Variants in CACNA1E observed in about 807,000 individuals in gnomAD.
The protein encoded by CACNA1E is voltage-dependent R-type calcium channel subunit alpha-1E.
A neutral mutation model predicts 259.2 loss-of-function variants in CACNA1E; 40 were observed. The ratio of observed to expected loss-of-function variants is 0.15; its 90% CI spans 0.12 to 0.20. CACNA1E has a LOEUF of 0.20. Ranked by LOEUF, CACNA1E falls within the 10% of genes least tolerant of loss-of-function variation. The probability of loss-of-function intolerance (pLI) is 1.00; values close to 1 mark genes in which losing one functional copy is unlikely to be tolerated. For synonymous variants in CACNA1E, 1,104 were observed against 1,138.5 expected, an observed-to-expected ratio of 0.97 and a Z score of 0.61; for missense variants, 1,874 against 3,040.1, an observed-to-expected ratio of 0.62 and a Z score of 9.02.
intron 2 of CACNA1E, among the ~76,000 whole-genome samples, chr1:181,441,821 A>G (rs560612509): frequency 6.6e-6 from 1 of 152,178 alleles, no homozygotes; most frequent in South Asian, 2.1e-4. Context: ...CTGATTCTAC[A>G]TAGCATAGTA....
intron 1 of CACNA1E, among the ~76,000 whole-genome samples, chr1:181,386,732 C>T (rs746128079): frequency 2.9e-4 from 44 of 152,166 alleles, no homozygotes; most frequent in Non-Finnish European, 5.3e-4. Flanking sequence ...TCAGTATTGT[C>T]TGCTCATCAT....
chr1:181,390,405 C>T (rs544798609), intron 1 of CACNA1E, among the ~76,000 whole-genome samples: 2 of 152,092 alleles, frequency 1.3e-5, no homozygotes, highest in East Asian at 3.9e-4. Context: ...GTTTTTGTTG[C>T]TTGGTCATGA....
At position 181,483,835 on chromosome 1, in the gene CACNA1E, C is replaced by G; in HGVS notation, c.91C>G (p.Pro31Ala). Residue 31 changes from proline to alanine, a missense_variant, in exon 1 of 48, where the codon CCG becomes GCG. Pro to Ala is a conservative substitution (Grantham distance 27). Around this residue, in one of 14 missense-constraint regions of CACNA1E, gnomAD observed 110 missense variants for 122.8 expected, o/e 0.90. Coordinates refer to ENST00000367573, the MANE Select transcript of CACNA1E (RefSeq NM_001205293.3). ...QSRNRQGTPV[P>A]ASGQAAAYKQ... The stretch of plus-strand genomic sequence containing the variant: ...CAGGAACCGGCAAGGAACCCCCGTG[C>G]CGGCCTCGGGGCAGGCGGCCGCCTA... 6.2e-7 allele frequency: 1 copy of G among 1,613,676 alleles called. No individual in the cohort carries two copies. Among genetic ancestry groups the G allele is most frequent in the South Asian group, 1.1e-5 (1 of 91,068 alleles).
Position 181,319,153 on chromosome 1 carries a change from C to T in CACNA1E, c.-15+1030C>T, listed in dbSNP as rs146300614. 5.3e-5 allele frequency among the ~76,000 whole-genome samples: 8 copies of T among 152,254 alleles called. No individual in the cohort carries two copies. The East Asian group carries it at 1.5e-3, about 29-fold the overall frequency. ...TGCGTGCAGAGATCTGGGGGCTTGT[C>T]GTAATGGTTCACCGTGTTGGAACAT... On this transcript the variant is annotated intron_variant, in intron 1 of 11. Coordinates refer to the CACNA1E transcript ENST00000524607.
rs1188254439 is a variant in CACNA1E, at chr1:181,758,082, G to A, written c.4465G>A (p.Ala1489Thr). 1.1e-5 allele frequency: 18 copies of A among 1,613,696 alleles called. No homozygotes were observed. The highest frequency in any genetic ancestry group is 4.0e-5 in the African/African-American group (3 of 74,882). The change falls in exon 31 of 48, where the codon GCC becomes ACC. Residue 1489 changes from alanine to threonine, a missense_variant. By Grantham distance (58) the Ala-to-Thr change is moderately conservative. This residue lies in a region of CACNA1E where 188 missense variants were observed against 540.6 expected (regional missense o/e 0.35). Coordinates refer to ENST00000367573, the MANE Select transcript of CACNA1E (RefSeq NM_001205293.3). The surrounding 1 kb of genome is among the most constrained non-coding windows in gnomAD (Gnocchi z 4.2). ...SFEYTIMAMIALNTVVLMMKY... is the reference protein window; with the variant it reads ...SFEYTIMAMITLNTVVLMMKY... ...TGAGTACACCATTATGGCCATGATC[G>A]CCTTGAATACTGTTGTGCTGATGAT...
chr1:181,642,367 G>A (rs1462483264), intron 6 of CACNA1E, among the ~76,000 whole-genome samples: 1 of 152,092 alleles, frequency 6.6e-6, no homozygotes, highest in Non-Finnish European at 1.5e-5. Flanking sequence ...AAATGATGGC[G>A]ACCAGAAGGA....
intron 6 of CACNA1E, among the ~76,000 whole-genome samples, chr1:181,601,003 C>T (rs1027691799): frequency 3.9e-5 from 6 of 152,084 alleles, no homozygotes; most frequent in African/African-American, 1.4e-4. Context: ...TGATCATCTT[C>T]TCTTGGGGCT....
intron 1 of CACNA1E, among the ~76,000 whole-genome samples, chr1:181,351,476 C>T (rs997470777): frequency 6.6e-6 from 1 of 152,196 alleles, no homozygotes; most frequent in African/African-American, 2.4e-5. Context: ...GTATTCATTT[C>T]CTGTGTCTGC....
chr1:181,680,920 G>A (rs1649902061), intron 7 of CACNA1E, among the ~76,000 whole-genome samples: 1 of 152,154 alleles, frequency 6.6e-6, no homozygotes, highest in Non-Finnish European at 1.5e-5. Flanking sequence ...TGTCACACAG[G>A]GACTCAGGCT....
At chr1:181,657,716 A>G (rs1034150618) in intron 7 of CACNA1E, among the ~76,000 whole-genome samples, 1 of 152,238 alleles carries the variant, frequency 6.6e-6, no homozygotes. Context: ...GCAGGAAACA[A>G]CCATAGTAAT....
intron 20 of CACNA1E, 116 bp from the exon 21 acceptor site, chr1:181,733,321 G>A (rs1159595596): frequency 1.1e-6 from 1 of 923,448 alleles, no homozygotes; most frequent in African/African-American, 1.7e-5. Context: ...GGAAGGCAGT[G>A]GTGGCCTTGT....
chr1:181,739,869 C>T (rs79071492), intron 25 of CACNA1E, among the ~76,000 whole-genome samples: 4 of 152,170 alleles, frequency 2.6e-5, no homozygotes, highest in Non-Finnish European at 5.9e-5. Flanking sequence ...AAATCATGTT[C>T]ATAATATTTG....
chr1:181,555,321 A>G (rs544778248), intron 3 of CACNA1E, among the ~76,000 whole-genome samples: 3 of 152,356 alleles, frequency 2.0e-5, no homozygotes, highest in Non-Finnish European at 4.4e-5. Context: ...AGACTCCAGG[A>G]GGAAAAGGTA....
At chr1:181,456,506 C>T (rs987702910) in intron 2 of CACNA1E, among the ~76,000 whole-genome samples, 4 of 152,148 alleles carry the variant, frequency 2.6e-5, no homozygotes, top group Non-Finnish European at 4.4e-5. Context: ...TTCAATCTTT[C>T]CATACCTCCT....
intron 6 of CACNA1E, among the ~76,000 whole-genome samples, chr1:181,641,537 C>T (rs2102003036): frequency 6.6e-6 from 1 of 152,202 alleles, no homozygotes; most frequent in Admixed American, 6.5e-5. Context: ...AGTAGAGTCT[C>T]AGGAAGCCTT....
chr1:181,363,987 G>A (rs1373358536), intron 1 of CACNA1E, among the ~76,000 whole-genome samples: 2 of 152,168 alleles, frequency 1.3e-5, no homozygotes, highest in African/African-American at 4.8e-5. Flanking sequence ...ACTGGCACAT[G>A]GAAAAGAGAA....
At chr1:181,367,497 A>C (rs1347135388) in intron 1 of CACNA1E, among the ~76,000 whole-genome samples, 1 of 150,708 alleles carries the variant, frequency 6.6e-6, no homozygotes, top group Non-Finnish European at 1.5e-5. Context: ...TAATAAAAAT[A>C]AAGCTTGAAA....
At chr1:181,401,834 C>T (rs911410731) in intron 1 of CACNA1E, among the ~76,000 whole-genome samples, 5 of 152,200 alleles carry the variant, frequency 3.3e-5, no homozygotes, top group African/African-American at 1.2e-4. Context: ...AGCAGAGGCC[C>T]CTCTTCTTGA....
At chr1:181,507,722 C>T (rs1202422861) in intron 1 of CACNA1E, among the ~76,000 whole-genome samples, 3 of 152,138 alleles carry the variant, frequency 2.0e-5, no homozygotes, top group Admixed American at 1.3e-4. Flanking sequence ...TTCAACCCCC[C>T]AAAACAATCA....
Sources: allele counts gnomAD v4.1 joint callset (sites outside exome capture counted in the v4.1 genomes callset), GRCh38; gene constraint gnomAD v4.1.1; regional missense constraint gnomAD v4.1.1; non-coding constraint Gnocchi (gnomAD v3.1); transcripts MANE v1.5; gene names NCBI Gene and HGNC (gene_info 2026-07-23, HGNC 2026-07-21).